MAP3K21: variants seen among roughly 807,000 people sequenced by gnomAD.
MAP3K21 encodes mitogen-activated protein kinase kinase kinase 21.
Under a neutral mutation model 86.1 loss-of-function variants are expected in MAP3K21, and 63 were observed. The ratio of observed to expected loss-of-function variants is 0.73; its 90% CI spans 0.60 to 0.90. MAP3K21 has a LOEUF of 0.90. Ranked by LOEUF, MAP3K21 falls within the 40% of genes least tolerant of loss-of-function variation. The probability of loss-of-function intolerance (pLI) is 0.00; values close to 1 mark genes in which losing one functional copy is unlikely to be tolerated. For missense variants in MAP3K21, 1,220 were observed against 1,367.7 expected (o/e 0.89, Z 1.70); for synonymous variants, 558 against 564.8 (o/e 0.99, Z 0.17).
At chr1:233,367,152 A>G (rs1663592523) in intron 5 of MAP3K21, among the ~76,000 whole-genome samples, 1 of 152,238 alleles carries the variant, frequency 6.6e-6, no homozygotes, top group Non-Finnish European at 1.5e-5. Flanking sequence ...TCACTAAAGC[A>G]GTGGCATTCT....
intron 4 of MAP3K21, among the ~76,000 whole-genome samples, chr1:233,356,908 T>C (rs997689334): frequency 2.0e-5 from 3 of 152,140 alleles, no homozygotes; most frequent in African/African-American, 7.2e-5. Context: ...ATCTCCAAAC[T>C]TTGAAATAAA....
chr1:233,331,520 T>C (rs1353193769), intron 1 of MAP3K21, among the ~76,000 whole-genome samples: 2 of 152,234 alleles, frequency 1.3e-5, no homozygotes, highest in Non-Finnish European at 2.9e-5. Flanking sequence ...TAACAGATAC[T>C]CTATTGCAGT....
At chr1:233,333,361 A>C (rs1447682604) in intron 1 of MAP3K21, among the ~76,000 whole-genome samples, 2 of 152,218 alleles carry the variant, frequency 1.3e-5, no homozygotes, top group African/African-American at 4.8e-5. Context: ...TTTTGAAACA[A>C]AGTTAGTGAA....
chr1:233,339,639 T>C (rs7513538), intron 1 of MAP3K21, among the ~76,000 whole-genome samples: 61,632 of 151,478 alleles, frequency 0.41, 13,458 homozygotes, highest in East Asian at 0.57. Context: ...AGTACCATGA[T>C]GCCCAGCCAC....
In MAP3K21 at chr1:233,328,473, G is replaced by A. The variant is rs1378522471; in HGVS notation, c.445G>A (p.Ala149Thr). The A allele has an allele frequency of 1.3e-6, 2 of 1,502,782 alleles. No individual in the cohort carries two copies. The highest frequency in any genetic ancestry group is 1.4e-5 in the African/African-American group (1 of 69,304). The allele number at this position is 1,502,782 out of a possible 1,614,324, so 93.1% of individuals were successfully genotyped here. Residue 149 changes from alanine (A) to threonine (T), a missense_variant, in exon 1 of 10, where the codon GCC becomes ACC. Physicochemically the swap from Ala to Thr is moderately conservative, Grantham distance 58. Coordinates refer to ENST00000366624, the MANE Select transcript of MAP3K21 (RefSeq NM_032435.3). This position sits in a 1 kb window ranked among gnomAD's most constrained non-coding sequence, Gnocchi z 8.7. Reference sequence around the variant, plus strand: ...CGCCACCTGGCAGGGCCAGGAGGTGGCCGTGAAGGCGGCGCGCCAGGACCC... The same window carrying A: ...CGCCACCTGGCAGGGCCAGGAGGTGACCGTGAAGGCGGCGCGCCAGGACCC... Reference protein sequence around the residue: ...YRATWQGQEVAVKAARQDPEQ... With the variant: ...YRATWQGQEVTVKAARQDPEQ...
At chr1:233,344,145 G>T (rs1318247226) in intron 1 of MAP3K21, among the ~76,000 whole-genome samples, 1 of 152,148 alleles carries the variant, frequency 6.6e-6, no homozygotes, top group Non-Finnish European at 1.5e-5. Context: ...CATGAAAATG[G>T]CCATACTGCC....
Position 233,328,857 on chromosome 1 carries a change from G to A in MAP3K21, c.805+24G>A. On this transcript the variant is annotated intron_variant, in intron 1 of 9. Coordinates refer to ENST00000366624, the MANE Select transcript of MAP3K21 (RefSeq NM_032435.3). The surrounding 1 kb of genome is among the most constrained non-coding windows in gnomAD (Gnocchi z 8.7). The stretch of plus-strand genomic sequence containing the variant: ...CAGTAAGTGGGGCCAGAGGGAGGTG[G>A]GGGAAGACTACCTCCGTGCCAGCCC... 1 of 1,481,660 alleles carries A rather than the reference G, an allele frequency of 6.7e-7. No homozygotes were observed. Among genetic ancestry groups the A allele is most frequent in the Non-Finnish European group, 9.0e-7 (1 of 1,111,712 alleles). 91.8% of individuals were successfully genotyped at this position (1,481,660 alleles called of 1,614,324 possible). A position where few individuals can be genotyped will look rare whatever the true frequency, so the allele number is the denominator to read the frequency against.
intron 6 of MAP3K21, among the ~76,000 whole-genome samples, chr1:233,375,520 C>A (rs1330622184): frequency 6.6e-6 from 1 of 152,052 alleles, no homozygotes; most frequent in Admixed American, 6.6e-5. Flanking sequence ...GATGTTTGTG[C>A]CTCTAGGTCA....
intron 5 of MAP3K21, among the ~76,000 whole-genome samples, chr1:233,369,670 ATGATATGAAAC>A (rs879305228): frequency 6.6e-6 from 1 of 152,236 alleles, no homozygotes; most frequent in Non-Finnish European, 1.5e-5. Flanking sequence ...TGCACCTGAC[ATGATATGAAAC>A]TGATATGAAA....
intron 6 of MAP3K21, among the ~76,000 whole-genome samples, chr1:233,374,417 AC>A (rs1225785095): frequency 6.6e-6 from 1 of 151,736 alleles, no homozygotes; most frequent in Non-Finnish European, 1.5e-5. Context: ...CTCATGATCC[AC>A]CCGCCTTGGC....
At chr1:233,339,076 C>A (rs1234767225) in intron 1 of MAP3K21, among the ~76,000 whole-genome samples, 2 of 152,124 alleles carry the variant, frequency 1.3e-5, no homozygotes, top group Non-Finnish European at 2.9e-5. Flanking sequence ...AGGGTAAAAT[C>A]AGGAGTGTGG....
At chr1:233,367,086 T>C (rs1475365450) in intron 5 of MAP3K21, among the ~76,000 whole-genome samples, 1 of 152,182 alleles carries the variant, frequency 6.6e-6, no homozygotes, top group Admixed American at 6.5e-5. Context: ...TGAAGTTGTG[T>C]TTTTTGGACA....
chr1:233,349,716 A>G lies in MAP3K21; in HGVS notation c.986+3094A>G, dbSNP rs1663212948. Among the ~76,000 whole-genome samples the G allele has an allele frequency of 2.0e-5, 3 of 152,178 alleles. No homozygotes were observed. The South Asian group carries it at 6.2e-4, about 31-fold the overall frequency. ...CACTTTGGGAGGCCGAGGTGGGCAG[A>G]TCACAAGGTCGAGAGATCGAGACCA... On this transcript the variant is annotated intron_variant, in intron 2 of 9. Coordinates refer to ENST00000366624, the MANE Select transcript of MAP3K21 (RefSeq NM_032435.3).
intron 4 of MAP3K21, 90 bp from the exon 5 acceptor site, chr1:233,361,963 G>C: frequency 6.8e-7 from 1 of 1,469,552 alleles, no homozygotes; most frequent in Non-Finnish European, 9.1e-7. Context: ...GGAGGAGCCC[G>C]TGGCCGAGGG....
chr1:233,382,334 G>A lies in MAP3K21; in HGVS notation c.2734G>A (p.Ala912Thr), dbSNP rs1572260816. 1 of 1,613,786 alleles carries A rather than the reference G, an allele frequency of 6.2e-7. No individual in the cohort carries two copies. Among genetic ancestry groups the A allele is most frequent in the South Asian group, 1.1e-5 (1 of 91,048 alleles). The change falls in exon 10 of 10, where the codon GCC becomes ACC. Residue 912 changes from alanine to threonine, a missense_variant. Transcript: ENST00000366624. ...TGATIISATG[A>T]SALPLCPSPA... Reference sequence around the variant, plus strand: ...TGCAACTATTATCTCAGCCACTGGAGCCTCTGCACTGCCACTCTGCCCCTC... The same window carrying A: ...TGCAACTATTATCTCAGCCACTGGAACCTCTGCACTGCCACTCTGCCCCTC...
At chr1:233,339,321 C>G (rs1285618448) in intron 1 of MAP3K21, among the ~76,000 whole-genome samples, 1 of 143,442 alleles carries the variant, frequency 7.0e-6, no homozygotes, top group African/African-American at 2.6e-5. Context: ...TCTTCCTCTT[C>G]TTCTTCTTCC....
At chr1:233,382,205 T>G (rs1663930289) in intron 9 of MAP3K21, 100 bp from the exon 10 acceptor site, 6 of 1,031,410 alleles carry the variant, frequency 5.8e-6, no homozygotes, top group Non-Finnish European at 8.6e-6. Context: ...TTTAAAGCTA[T>G]CACTTTGTTG....
chr1:233,359,801 T>C (rs543614184), intron 4 of MAP3K21, among the ~76,000 whole-genome samples: 1 of 152,226 alleles, frequency 6.6e-6, no homozygotes, highest in African/African-American at 2.4e-5. Flanking sequence ...ACCGAAAGAA[T>C]GTTTTTGTGC....
chr1:233,362,272 C>T lies in MAP3K21; in HGVS notation c.1531C>T (p.His511Tyr). 6.2e-7 allele frequency: 1 copy of T among 1,614,180 alleles called. No individual in the cohort carries two copies. Among genetic ancestry groups the T allele is most frequent in the Non-Finnish European group, 8.5e-7 (1 of 1,180,020 alleles). Residue 511 changes from histidine (H) to tyrosine (Y), a missense_variant, in exon 5 of 10, where the codon CAT (histidine) becomes TAT (tyrosine). By Grantham distance (83) the His-to-Tyr change is moderately conservative (BLOSUM62 2). Coordinates refer to ENST00000366624, the MANE Select transcript of MAP3K21 (RefSeq NM_032435.3). ...AAGTCGTTTAAAGCTCAAAGATGGA[C>T]ATCGAATCAGTTTACCTTCAGGTAT... ...KRSRLKLKDG[H>Y]RISLPSDFQH...
Sources: allele counts gnomAD v4.1 joint callset (sites outside exome capture counted in the v4.1 genomes callset), GRCh38; gene constraint gnomAD v4.1.1; non-coding constraint Gnocchi (gnomAD v3.1); transcripts MANE v1.5; gene names NCBI Gene and HGNC (gene_info 2026-07-23, HGNC 2026-07-21).